GABRB2: variants seen among roughly 807,000 people sequenced by gnomAD.
GABRB2 encodes the protein gamma-aminobutyric acid receptor subunit beta-2.
Under a neutral mutation model 54.7 loss-of-function variants are expected in GABRB2, and 16 were observed. The observed-to-expected ratio is 0.29, with a 90% CI of 0.20 to 0.44. The LOEUF is 0.44. GABRB2 is among the 20% of genes least tolerant of loss of function. GABRB2 has a pLI of 1.00. For synonymous variants in GABRB2, 244 were observed against 233.8 expected (o/e 1.04, Z -0.40); for missense variants, 355 against 644.0 (o/e 0.55, Z 4.86).
At chr5:161,365,012 C>CT (rs948552109) in intron 5 of GABRB2, among the ~76,000 whole-genome samples, 1 of 152,078 alleles carries the variant, frequency 6.6e-6, no homozygotes, top group East Asian at 1.9e-4. Context: ...CAAATGTATG[C>CT]TTTTTCAAAT....
intron 3 of GABRB2, among the ~76,000 whole-genome samples, chr5:161,488,983 A>G (rs1278499860): frequency 6.6e-6 from 1 of 151,768 alleles, no homozygotes; most frequent in Non-Finnish European, 1.5e-5. Flanking sequence ...AGAGATAAAC[A>G]TGTTATTAGA....
In GABRB2 at chr5:161,501,018, T is replaced by G. The variant is rs1476056971; in HGVS notation, c.238-41174A>C. Among the ~76,000 whole-genome samples, 4 of 151,708 alleles carry G rather than the reference T, an allele frequency of 2.6e-5. No homozygotes were observed. In the East Asian group the frequency reaches 7.8e-4, roughly 29 times the overall value. ...CCCCACAACAGTCCCCAGAGTGTGATGTTCCCCTTCCTGTGTCCATGTGTA... is the reference window on the plus strand; with the variant it reads ...CCCCACAACAGTCCCCAGAGTGTGAGGTTCCCCTTCCTGTGTCCATGTGTA... On this transcript the variant is annotated intron_variant, in intron 3 of 9. Coordinates refer to ENST00000393959, the MANE Select transcript of GABRB2 (RefSeq NM_001371727.1).
At position 161,439,904 on chromosome 5, in the gene GABRB2, C is replaced by T. The variant is rs183256218; in HGVS notation, c.458+19720G>A. On this transcript the variant is annotated intron_variant, in intron 4 of 9. Transcript: ENST00000393959. ...TACCTAGGTGATGGGTTGATCTGTA[C>T]AGCAAACCACAATAGCACATGTTTA... Among the ~76,000 whole-genome samples, 61 of 151,930 alleles carry T rather than the reference C, an allele frequency of 4.0e-4. 1 individual carries two copies. The East Asian group carries it at 0.011, about 27-fold the overall frequency.
chr5:161,397,640 T>C (rs536961125), intron 5 of GABRB2, among the ~76,000 whole-genome samples: 13 of 152,304 alleles, frequency 8.5e-5, no homozygotes, highest in Admixed American at 2.6e-4. Context: ...ATGGATATTA[T>C]GCTGACAATG....
intron 9 of GABRB2, among the ~76,000 whole-genome samples, chr5:161,300,411 C>T (rs1757503473): frequency 6.6e-6 from 1 of 152,076 alleles, no homozygotes; most frequent in Admixed American, 6.5e-5. Flanking sequence ...GGATACATTC[C>T]CATTTGACAG....
At chr5:161,326,109 C>A (rs1758353811) in intron 9 of GABRB2, among the ~76,000 whole-genome samples, 1 of 152,092 alleles carries the variant, frequency 6.6e-6, no homozygotes, top group South Asian at 2.1e-4. Flanking sequence ...AAATACGATC[C>A]ATTTAATTTC....
At chr5:161,541,996 T>C (rs1227663991) in intron 3 of GABRB2, among the ~76,000 whole-genome samples, 1 of 152,212 alleles carries the variant, frequency 6.6e-6, no homozygotes, top group Non-Finnish European at 1.5e-5. Flanking sequence ...ACTCTCATTG[T>C]AGGGCTGTGA....
At chr5:161,475,662 A>C (rs946091853) in intron 3 of GABRB2, among the ~76,000 whole-genome samples, 7 of 151,996 alleles carry the variant, frequency 4.6e-5, no homozygotes, top group African/African-American at 1.7e-4. Flanking sequence ...CAACATATGA[A>C]AATTAATCAA....
rs901261574 is a variant in GABRB2, at chr5:161,537,403, G to GA, written c.237+7823dup. On this transcript the variant is annotated intron_variant, in intron 3 of 9. Transcript: ENST00000393959. ...TCCATTTGGAGATTCCATGTGCATAGAAAAAAAAAATCACCATTTCCCAAA... is the reference window on the plus strand; with the variant it reads ...TCCATTTGGAGATTCCATGTGCATAGAAAAAAAAAAATCACCATTTCCCAAA... Among the ~76,000 whole-genome samples, 874 of 149,070 alleles carry GA rather than the reference G, an allele frequency of 5.9e-3. 8 individuals are homozygous for GA. The highest frequency in any genetic ancestry group is 0.02 in the African/African-American group (807 of 40,632).
chr5:161,473,616 A>G (rs866478968), intron 3 of GABRB2, among the ~76,000 whole-genome samples: 3 of 152,080 alleles, frequency 2.0e-5, no homozygotes, highest in Middle Eastern at 3.4e-3. Flanking sequence ...TTGTTGCTTG[A>G]TTTGGTGGAT....
intron 5 of GABRB2, among the ~76,000 whole-genome samples, chr5:161,349,587 G>A (rs1281694572): frequency 1.3e-5 from 2 of 152,046 alleles, no homozygotes; most frequent in African/African-American, 2.4e-5. Context: ...TCTGAGATTA[G>A]GTTATAAAAA....
intron 3 of GABRB2, among the ~76,000 whole-genome samples, chr5:161,536,133 A>G (rs1054260847): frequency 1.3e-5 from 2 of 152,196 alleles, no homozygotes; most frequent in East Asian, 3.9e-4. Context: ...TTGACTATAC[A>G]GTCTCAGGTA....
intron 3 of GABRB2, among the ~76,000 whole-genome samples, chr5:161,478,927 T>C (rs1186001433): frequency 1.3e-5 from 2 of 152,094 alleles, no homozygotes; most frequent in African/African-American, 2.4e-5. Flanking sequence ...TCATTCTCTC[T>C]GAAGCAGCAA....
intron 4 of GABRB2, among the ~76,000 whole-genome samples, chr5:161,455,867 C>T (rs985173612): frequency 6.6e-6 from 1 of 152,086 alleles, no homozygotes; most frequent in Admixed American, 6.6e-5. Flanking sequence ...GCTGAAAGAA[C>T]AATACAATGA....
Position 161,504,208 on chromosome 5 carries a change from T to C in GABRB2, c.237+41019A>G, listed in dbSNP as rs148237782. On this transcript the variant is annotated intron_variant, in intron 3 of 9. Coordinates refer to ENST00000393959, the MANE Select transcript of GABRB2 (RefSeq NM_001371727.1). The stretch of plus-strand genomic sequence containing the variant: ...TGAATAAATCTACAAGCTAAGTAAC[T>C]TAATGAATATTTATAGAACACTACA... Among the ~76,000 whole-genome samples, 188 of 152,262 alleles carry C rather than the reference T, an allele frequency of 1.2e-3. 1 individual carries two copies. Among genetic ancestry groups the C allele is most frequent in the Admixed American group, 4.1e-3 (63 of 15,286 alleles).
chr5:161,445,634 T>C (rs1319970919), intron 4 of GABRB2, among the ~76,000 whole-genome samples: 1 of 152,146 alleles, frequency 6.6e-6, no homozygotes, highest in African/African-American at 2.4e-5. Context: ...TCTGGAGGCT[T>C]CATCTGCATG....
At chr5:161,536,935 AT>A (rs1273940554) in intron 3 of GABRB2, among the ~76,000 whole-genome samples, 11 of 152,010 alleles carry the variant, frequency 7.2e-5, no homozygotes, top group African/African-American at 2.2e-4. Context: ...CTCTCCCTAC[AT>A]CCCTTCAGAA....
At chr5:161,546,771 G>A, upstream of GABRB2, 1 of 1,495,556 alleles carries the variant, frequency 6.7e-7, no homozygotes. Flanking sequence ...GGGAAGCGGC[G>A]GCTGCCGGGG....
chr5:161,440,696 T>A (rs181900147), intron 4 of GABRB2, among the ~76,000 whole-genome samples: 59 of 152,176 alleles, frequency 3.9e-4, no homozygotes, highest in African/African-American at 1.3e-3. Context: ...ACCAGAGGAA[T>A]CACATTACTT....
Sources: allele counts gnomAD v4.1 joint callset (sites outside exome capture counted in the v4.1 genomes callset), GRCh38; gene constraint gnomAD v4.1.1; transcripts MANE v1.5; gene names NCBI Gene and HGNC (gene_info 2026-07-23, HGNC 2026-07-21).